TMEM184B: variants seen among roughly 807,000 people sequenced by gnomAD.
The protein encoded by TMEM184B is putative MAPK-activating protein FM08.
Under a neutral mutation model 41.8 loss-of-function variants are expected in TMEM184B, and 17 were observed. That is an observed-to-expected ratio of 0.41 (90% CI 0.28 to 0.61). The LOEUF (loss-of-function observed/expected upper bound fraction) is 0.61, where lower values mean the gene tolerates loss of function less well. Ranked by LOEUF, TMEM184B falls within the 20% of genes least tolerant of loss-of-function variation. The pLI is 0.34. For missense variants in TMEM184B, 393 were observed against 557.8 expected, an observed-to-expected ratio of 0.70 and a Z score of 2.98; for synonymous variants, 240 against 229.5, an observed-to-expected ratio of 1.05 and a Z score of -0.41.
Position 38,230,744 on chromosome 22 carries a change from C to T in TMEM184B, c.450G>A (p.Glu150=). The T allele has an allele frequency of 6.2e-7, 1 of 1,611,344 alleles. No homozygotes were observed. The highest frequency in any genetic ancestry group is 8.5e-7 in the Non-Finnish European group (1 of 1,178,886). The change falls in exon 5 of 9, where the codon GAG becomes GAA. Residue 150 remains glutamate, a splice_region_variant and synonymous_variant. Transcript: ENST00000361906. ...IMSEIRGKPI[E]SSCMYGTCCL... The stretch of plus-strand genomic sequence containing the variant: ...AGCAGGTGCCATACATACAGCTGGA[C>T]CTGGAAGAGACAAGCATAGCAGGCA...
downstream of TMEM184B, among the ~76,000 whole-genome samples, chr22:38,217,671 C>T (rs1186961191): frequency 6.9e-6 from 1 of 144,966 alleles, no homozygotes; most frequent in Admixed American, 6.8e-5. Flanking sequence ...AAACAAAAAA[C>T]AGAAAAACAT....
intron 3 of TMEM184B, among the ~76,000 whole-genome samples, chr22:38,235,841 G>T (rs1009815935): frequency 1.8e-4 from 27 of 152,350 alleles, no homozygotes; most frequent in African/African-American, 6.3e-4. Context: ...TGTAAGAAGA[G>T]CGGAGAAGCT....
intron 2 of TMEM184B, 51 bp downstream of exon 2, chr22:38,247,719 G>C (rs377559131): frequency 9.0e-5 from 141 of 1,560,444 alleles, no homozygotes; most frequent in Non-Finnish European, 1.1e-4. Context: ...ACTCTGTTCA[G>C]CCAGGAACCT....
intron 3 of TMEM184B, among the ~76,000 whole-genome samples, chr22:38,242,456 C>G (rs1602425427): frequency 6.6e-6 from 1 of 151,396 alleles, no homozygotes; most frequent in Admixed American, 6.6e-5. Flanking sequence ...CCAGCCTGGG[C>G]GACAGAGCGA....
At position 38,220,413 on chromosome 22, in the gene TMEM184B, G is replaced by A; in HGVS notation, c.*1056C>T. On this transcript the variant is annotated 3_prime_UTR_variant, in exon 9 of 9. Transcript: ENST00000361906. ...GAAGAGATGGGCCAGGGGCCAGATG[G>A]GGTAGAACACCAGGCCCTGTGTGGA... 1.0e-6 allele frequency: 1 copy of A among 985,970 alleles called. No individual in the cohort carries two copies. The highest frequency in any genetic ancestry group is 1.2e-6 in the Non-Finnish European group (1 of 830,058). 61.1% of individuals were successfully genotyped at this position (985,970 alleles called of 1,614,324 possible).
intron 4 of TMEM184B, 101 bp downstream of exon 4, chr22:38,231,143 G>T: frequency 9.7e-7 from 1 of 1,029,642 alleles, no homozygotes; most frequent in Non-Finnish European, 1.5e-6. Context: ...TCAAGGTCAC[G>T]GGCAGACATG....
chr22:38,258,953 T>C (rs1336147696), intron 1 of TMEM184B, among the ~76,000 whole-genome samples: 1 of 151,660 alleles, frequency 6.6e-6, no homozygotes, highest in Non-Finnish European at 1.5e-5. Flanking sequence ...TATTTTCAAC[T>C]GTAATGGTAT....
intron 1 of TMEM184B, among the ~76,000 whole-genome samples, chr22:38,270,126 AGAG>A (rs2145797620): frequency 1.3e-5 from 2 of 152,288 alleles, no homozygotes; most frequent in Admixed American, 1.3e-4. Context: ...TCTGCGTCTG[AGAG>A]GTGAGGCAGC....
intron 1 of TMEM184B, among the ~76,000 whole-genome samples, chr22:38,251,617 G>A (rs1414810682): frequency 6.6e-6 from 1 of 152,168 alleles, no homozygotes; most frequent in African/African-American, 2.4e-5. Context: ...TGGGGCTGGG[G>A]CAGGGTGGGC....
chr22:38,268,374 CAAA>C (rs34786032), intron 1 of TMEM184B, among the ~76,000 whole-genome samples: 5 of 121,718 alleles, frequency 4.1e-5, no homozygotes, highest in Admixed American at 8.3e-5. Context: ...GACCCTGTCT[CAAA>C]AAAAAAAAAA....
rs749526441 is a variant in TMEM184B at position 38,224,824 on chromosome 22, T to G, written c.943A>C (p.Thr315Pro). 18 of 1,612,998 alleles carry G rather than the reference T, an allele frequency of 1.1e-5. No homozygotes were observed. The highest frequency in any genetic ancestry group is 1.5e-5 in the Non-Finnish European group (18 of 1,179,436). Reference sequence around the variant, plus strand: ...CTCTTGTCAGCATAGACCTTGTAGGTGAAGGCGTGCCGCAGGGCCAGGGCT... The same window carrying G: ...CTCTTGTCAGCATAGACCTTGTAGGGGAAGGCGTGCCGCAGGGCCAGGGCT... ...FAALALRHAF[T>P]YKVYADKRLD... Residue 315 changes from threonine to proline, a missense_variant, in exon 8 of 9, where the codon ACC (threonine) becomes CCC (proline). Transcript: ENST00000361906.
chr22:38,243,387 G>A (rs2091958211), intron 3 of TMEM184B, among the ~76,000 whole-genome samples: 1 of 152,166 alleles, frequency 6.6e-6, no homozygotes, highest in Non-Finnish European at 1.5e-5. Context: ...GTCCCGCCGA[G>A]AAGAGAGCCC....
At chr22:38,262,954 G>A (rs2092392539) in intron 1 of TMEM184B, among the ~76,000 whole-genome samples, 1 of 152,166 alleles carries the variant, frequency 6.6e-6, no homozygotes, top group Non-Finnish European at 1.5e-5. Flanking sequence ...TCAGGCTGGA[G>A]TACAATGGCA....
chr22:38,243,252 A>G lies in TMEM184B; in HGVS notation c.358+2683T>C, dbSNP rs1279239005. ...GGTCAGGGCAGGCGGGGCCTGAACA[A>G]AGAGGCTTCTGGAGTGAGGGGTGCC... On this transcript the variant is annotated intron_variant, in intron 3 of 8. Coordinates refer to ENST00000361906, the MANE Select transcript of TMEM184B (RefSeq NM_012264.5). 2.6e-5 allele frequency among the ~76,000 whole-genome samples: 4 copies of G among 152,142 alleles called. No individual in the cohort carries two copies. The South Asian group carries it at 8.3e-4, about 32-fold the overall frequency.
chr22:38,272,769 G>C (rs1207295611), intron 1 of TMEM184B, 115 bp downstream of exon 1: 7 of 985,126 alleles, frequency 7.1e-6, no homozygotes, highest in Non-Finnish European at 8.4e-6. Context: ...CCCGGGAGCC[G>C]GCGGCCGAAG....
Position 38,225,729 on chromosome 22 carries a change from A to T in TMEM184B, c.618-136T>A. On this transcript the variant is annotated intron_variant, in intron 6 of 8. Coordinates refer to ENST00000361906, the MANE Select transcript of TMEM184B (RefSeq NM_012264.5). The surrounding 1 kb of genome is among the most constrained non-coding windows in gnomAD (Gnocchi z 4.4). ...AGCTCAACGAGCCACTGAAGGGGTC[A>T]GAATGGGTGATCAAAGCGACAGACA... The T allele has an allele frequency of 1.0e-6, 1 of 990,134 alleles. No individual in the cohort carries two copies. Among genetic ancestry groups the T allele is most frequent in the Non-Finnish European group, 1.4e-6 (1 of 713,894 alleles). The allele number at this position is 990,134 out of a possible 1,614,324, so 61.3% of individuals were successfully genotyped here.
At chr22:38,228,309 C>T (rs1467621687) in intron 5 of TMEM184B, among the ~76,000 whole-genome samples, 1 of 152,218 alleles carries the variant, frequency 6.6e-6, no homozygotes, top group Non-Finnish European at 1.5e-5. Context: ...TGGTGTTTCC[C>T]TGGGTCAGCT....
intron 1 of TMEM184B, among the ~76,000 whole-genome samples, chr22:38,251,892 T>C (rs539826044): frequency 2.2e-5 from 3 of 139,382 alleles, no homozygotes; most frequent in African/African-American, 9.6e-5. Flanking sequence ...ATCCAGATGA[T>C]GCTGTTTTTT....
At chr22:38,253,659 A>C (rs545956979) in intron 1 of TMEM184B, among the ~76,000 whole-genome samples, 1 of 152,334 alleles carries the variant, frequency 6.6e-6, no homozygotes, top group South Asian at 2.1e-4. Flanking sequence ...TCACACATTT[A>C]AATGTAAAAT....
Sources: allele counts gnomAD v4.1 joint callset (sites outside exome capture counted in the v4.1 genomes callset), GRCh38; gene constraint gnomAD v4.1.1; non-coding constraint Gnocchi (gnomAD v3.1); transcripts MANE v1.5; gene names NCBI Gene and HGNC (gene_info 2026-07-23, HGNC 2026-07-21).